Variants in PATL1 observed in about 807,000 individuals in gnomAD.
PATL1 encodes the protein PAT1 homolog 1, processing body mRNA decay factor.
Under a neutral mutation model 100.6 loss-of-function variants are expected in PATL1, and 32 were observed. The observed-to-expected ratio is 0.32, with a 90% CI of 0.24 to 0.43. The LOEUF is 0.43. PATL1 is among the 20% of genes least tolerant of loss of function. The probability of loss-of-function intolerance (pLI) is 1.00; values close to 1 mark genes in which losing one functional copy is unlikely to be tolerated. For missense variants in PATL1, 747 were observed against 949.9 expected, an observed-to-expected ratio of 0.79 and a Z score of 2.81; for synonymous variants, 332 against 330.0, an observed-to-expected ratio of 1.01 and a Z score of -0.07.
In PATL1 at chr11:59,642,898, A is replaced by C; in HGVS notation, c.2031T>G (p.Thr677=). 1.9e-6 allele frequency: 3 copies of C among 1,613,738 alleles called. No homozygotes were observed. Among genetic ancestry groups the C allele is most frequent in the South Asian group, 2.2e-5 (2 of 91,040 alleles). The change falls in exon 16 of 19, where the codon ACT becomes ACG. Residue 677 remains threonine (T), a synonymous_variant. Coordinates refer to ENST00000300146, the MANE Select transcript of PATL1 (RefSeq NM_152716.3). The part of the protein sequence containing the change: ...ATPALSNPHL[T]AVLQNKFGLS... ...AGATCACCTTGTTCTGGAGCACAGC[A>C]GTGAGGTGAGGATTGGAGAGTGCTG...
At chr11:59,662,892 C>A (rs1400511862) in intron 2 of PATL1, among the ~76,000 whole-genome samples, 2 of 152,146 alleles carry the variant, frequency 1.3e-5, no homozygotes, top group East Asian at 3.9e-4. Context: ...GGTTAAGTCG[C>A]CATATTCTGT....
At chr11:59,649,847 C>T (rs773415562) in intron 13 of PATL1, among the ~76,000 whole-genome samples, 2 of 151,886 alleles carry the variant, frequency 1.3e-5, no homozygotes, top group East Asian at 1.9e-4. Flanking sequence ...ATAGTCTAGA[C>T]GCGGTGGCTC....
chr11:59,643,093 A>G, intron 15 of PATL1, 58 bp from the exon 16 acceptor site: 1 of 1,556,498 alleles, frequency 6.4e-7, no homozygotes, highest in Non-Finnish European at 8.8e-7. Flanking sequence ...GTTACCCCCC[A>G]CCAGGGGCAT....
intron 5 of PATL1, chr11:59,657,133 TG>T: frequency 1.0e-6 from 1 of 985,226 alleles, no homozygotes; most frequent in South Asian, 4.7e-5. Context: ...GGAAAGTCTA[TG>T]GAACAGGACT....
intron 4 of PATL1, among the ~76,000 whole-genome samples, chr11:59,658,456 G>A (rs1861572418): frequency 1.3e-5 from 2 of 151,992 alleles, no homozygotes; most frequent in South Asian, 4.1e-4. Context: ...CTGAGTAGCT[G>A]GGATTACAGG....
chr11:59,642,673 A>C, intron 16 of PATL1: 1 of 481,172 alleles, frequency 2.1e-6, no homozygotes, highest in Non-Finnish European at 3.5e-6. Flanking sequence ...TCGAGCTACT[A>C]AATCAAATTT....
At position 59,656,863 on chromosome 11, in the gene PATL1, G is replaced by A. The variant is rs117605135; in HGVS notation, c.622-263C>T. Reference sequence around the variant, plus strand: ...TCCATGCTGTCTGAGGGAGATACCAGCAGATATTCTGACTTGCAAATTCTC... The same window carrying A: ...TCCATGCTGTCTGAGGGAGATACCAACAGATATTCTGACTTGCAAATTCTC... On this transcript the variant is annotated intron_variant, in intron 5 of 18. Transcript: ENST00000300146. Among the ~76,000 whole-genome samples, 1,031 of 152,318 alleles carry A rather than the reference G, an allele frequency of 6.8e-3. 9 individuals carry two copies. Among genetic ancestry groups the A allele is most frequent in the Non-Finnish European group, 9.6e-3 (650 of 68,030 alleles).
chr11:59,650,001 A>G (rs1554984267), intron 13 of PATL1, among the ~76,000 whole-genome samples: 2 of 152,058 alleles, frequency 1.3e-5, no homozygotes, highest in Non-Finnish European at 1.5e-5. Flanking sequence ...CATGCCTATA[A>G]TCCCAGCTAC....
chr11:59,638,911 G>T, intron 18 of PATL1, 137 bp downstream of exon 18: 2 of 970,546 alleles, frequency 2.1e-6, no homozygotes, highest in Non-Finnish European at 3.0e-6. Flanking sequence ...TGGAACTCCT[G>T]GCCTCAAGTG....
chr11:59,649,411 G>T, intron 14 of PATL1, 51 bp downstream of exon 14: 1 of 1,591,170 alleles, frequency 6.3e-7, no homozygotes, highest in South Asian at 1.1e-5. Context: ...ATCCAGTTAT[G>T]ACAGAGGAAG....
At chr11:59,668,769 T>TCCCCCAGCCCG (rs1301952017) in intron 1 of PATL1, 112 bp downstream of exon 1, 3 of 553,332 alleles carry the variant, frequency 5.4e-6, no homozygotes, top group Non-Finnish European at 9.8e-6. Flanking sequence ...GTCCTGCGAC[T>TCCCCCAGCCCG]CCCCCAGCCC....
chr11:59,668,630 G>A (rs958182732), intron 1 of PATL1, among the ~76,000 whole-genome samples: 3 of 152,118 alleles, frequency 2.0e-5, no homozygotes, highest in South Asian at 4.2e-4. Flanking sequence ...AGCACTTAAC[G>A]GGCCCTCCCC....
rs1861386150 is a variant in PATL1 at position 59,647,917 on chromosome 11, C to A, written c.1734-4G>T. On this transcript the variant is annotated splice_polypyrimidine_tract_variant and splice_region_variant and intron_variant, in intron 14 of 18. Transcript: ENST00000300146. The stretch of plus-strand genomic sequence containing the variant: ...TACAAAGTGGTCATCACTAGGCCTG[C>A]AAGGAAGAAAAATGCCAGCTTAGGT... 1 of 1,584,000 alleles carries A rather than the reference C, an allele frequency of 6.3e-7. No individual in the cohort carries two copies. The highest frequency in any genetic ancestry group is 1.8e-5 in the Admixed American group (1 of 54,310).
intron 5 of PATL1, chr11:59,657,075 C>A (rs1565134744): frequency 5.1e-6 from 5 of 985,066 alleles, no homozygotes; most frequent in South Asian, 4.7e-5. Context: ...ACCCTCCCCC[C>A]ATACCTTCCA....
intron 15 of PATL1, among the ~76,000 whole-genome samples, chr11:59,645,108 G>T (rs1469655924): frequency 7.1e-6 from 1 of 139,998 alleles, no homozygotes; most frequent in South Asian, 2.4e-4. Flanking sequence ...TAAGGTCACA[G>T]ATCAACAGGA....
chr11:59,648,046 T>C (rs1565131861), intron 14 of PATL1, 133 bp from the exon 15 acceptor site: 11 of 596,068 alleles, frequency 1.8e-5, no homozygotes, highest in South Asian at 1.8e-4. Context: ...TATAAAACAG[T>C]AGGAATCACT....
chr11:59,653,615 T>G (rs534525992), intron 9 of PATL1, among the ~76,000 whole-genome samples: 3 of 152,204 alleles, frequency 2.0e-5, no homozygotes, highest in African/African-American at 7.2e-5. Context: ...ACAGAGGCCC[T>G]GTTGTACCCC....
At chr11:59,656,066 A>G in intron 6 of PATL1, 21 bp from the exon 7 acceptor site, 1 of 1,371,868 alleles carries the variant, frequency 7.3e-7, no homozygotes, top group Non-Finnish European at 9.7e-7. Flanking sequence ...AAAAAAAAAA[A>G]AAAAAAGAAT....
Position 59,650,769 on chromosome 11 carries a change from A to G in PATL1, c.1569T>C (p.Leu523=). The change falls in exon 13 of 19, where the codon CTT becomes CTC. Residue 523 remains leucine (L), a synonymous_variant. Coordinates refer to ENST00000300146, the MANE Select transcript of PATL1 (RefSeq NM_152716.3). ...KQVRDKRRKT[L]VIIEKTYSLL... is the part of the protein sequence containing the mutation. ...CTAAACTTACTTTCTCAATTATAAC[A>G]AGGGTTTTTCTCCTCTTGTCTCGAA... The G allele has an allele frequency of 6.4e-7, 1 of 1,556,222 alleles. No homozygotes were observed. Among genetic ancestry groups the G allele is most frequent in the Non-Finnish European group, 8.7e-7 (1 of 1,148,458 alleles).
Sources: allele counts gnomAD v4.1 joint callset (sites outside exome capture counted in the v4.1 genomes callset), GRCh38; gene constraint gnomAD v4.1.1; transcripts MANE v1.5; gene names NCBI Gene and HGNC (gene_info 2026-07-23, HGNC 2026-07-21).